TLR5: variants seen among roughly 807,000 people sequenced by gnomAD.
TLR5 encodes toll-like receptor 5.
For missense variants in TLR5, 944 were observed against 999.8 expected, an observed-to-expected ratio of 0.94 and a Z score of 0.75; for synonymous variants, 373 against 384.4, an observed-to-expected ratio of 0.97 and a Z score of 0.35.
intron 5 of TLR5, chr1:223,128,898 T>G (rs549030156): frequency 5.3e-5 from 8 of 152,340 alleles, no homozygotes; most frequent in African/African-American, 1.7e-4. Flanking sequence ...CTGGGTATTT[T>G]GTCCAATTCT....
chr1:223,135,497 G>T (rs1396854821), intron 3 of TLR5, among the ~76,000 whole-genome samples: 1 of 152,204 alleles, frequency 6.6e-6, no homozygotes, highest in African/African-American at 2.4e-5. Context: ...TGCTGGGCTG[G>T]GAGAGGATAA....
At chr1:223,141,001 A>G (rs1446887788) in intron 2 of TLR5, among the ~76,000 whole-genome samples, 1 of 152,206 alleles carries the variant, frequency 6.6e-6, no homozygotes, top group Non-Finnish European at 1.5e-5. Flanking sequence ...TTGCTCTCAC[A>G]TTAAGGGACC....
intron 5 of TLR5, among the ~76,000 whole-genome samples, chr1:223,115,888 G>A (rs918043063): frequency 6.6e-5 from 10 of 152,124 alleles, no homozygotes; most frequent in African/African-American, 2.2e-4. Context: ...GTCCTAGGGT[G>A]GAAGTACCAG....
In TLR5 at chr1:223,112,508, A is replaced by G. The variant is rs903462036; in HGVS notation, c.524T>C (p.Ile175Thr). ...GAATATTTGGTTGGAGGAAAAATCTATGGACTTTAAGGAATTCAACTTCCC... is the reference window on the plus strand; with the variant it reads ...GAATATTTGGTTGGAGGAAAAATCTGTGGACTTTAAGGAATTCAACTTCCC... ...SFGKLNSLKS[I>T]DFSSNQIFLV... Residue 175 changes from isoleucine to threonine, a missense_variant, in exon 6 of 6, where the codon ATA (isoleucine) becomes ACA (threonine). Physicochemically the swap from Ile to Thr is moderately conservative, Grantham distance 89. Coordinates refer to ENST00000642603, the MANE Select transcript of TLR5 (RefSeq NM_003268.6). 6.2e-7 allele frequency: 1 copy of G among 1,614,134 alleles called. No individual in the cohort carries two copies. Among genetic ancestry groups the G allele is most frequent in the African/African-American group, 1.3e-5 (1 of 74,948 alleles).
At position 223,121,657 on chromosome 1, in the gene TLR5, C is replaced by T. The variant is rs111698571; in HGVS notation, c.-4-8622G>A. The stretch of plus-strand genomic sequence containing the variant: ...CCTCAGCCTCCTGAATAGCTGGGAC[C>T]ACAGGTGCATACCACCATGCTAGCT... On this transcript the variant is annotated intron_variant, in intron 5 of 5. Coordinates refer to ENST00000642603, the MANE Select transcript of TLR5 (RefSeq NM_003268.6). Among the ~76,000 whole-genome samples the T allele has an allele frequency of 4.5e-3, 687 of 152,236 alleles. 6 individuals are homozygous for T. The highest frequency in any genetic ancestry group is 0.015 in the African/African-American group (643 of 41,540).
rs998349464 is a variant in TLR5, at chr1:223,111,917, A to G, written c.1115T>C (p.Ile372Thr). 1 of 1,614,142 alleles carries G rather than the reference A, an allele frequency of 6.2e-7. No individual in the cohort carries two copies. Among genetic ancestry groups the G allele is most frequent in the Non-Finnish European group, 8.5e-7 (1 of 1,180,034 alleles). Residue 372 changes from isoleucine (I) to threonine (T), a missense_variant, in exon 6 of 6, where the codon ATT becomes ACT. Coordinates refer to ENST00000642603, the MANE Select transcript of TLR5 (RefSeq NM_003268.6). ...GAATGTTTGGTCTTGAATTATTGCA[A>G]TGTGATTCTTTTGCAAATCAATGTA... ...VAYIDLQKNH[I>T]AIIQDQTFKF...
At position 223,110,541 on chromosome 1, in the gene TLR5, T is replaced by G; in HGVS notation, c.2491A>C (p.Lys831Gln). Residue 831 changes from lysine (K) to glutamine (Q), a missense_variant, in exon 6 of 6, where the codon AAA (lysine) becomes CAA (glutamine). Transcript: ENST00000642603. The part of the protein sequence containing the change: ...DLQDVGWFLH[K>Q]LSQQILKKEK... ...TTCTTTAGTATCTGTTGAGAGAGTT[T>G]ATGAAGAAACCAGCCAACATCCTGG... 6.2e-7 allele frequency: 1 copy of G among 1,614,190 alleles called. No homozygotes were observed. The highest frequency in any genetic ancestry group is 1.1e-5 in the South Asian group (1 of 91,080).
At chr1:223,141,338 G>A (rs1657828271) in intron 2 of TLR5, 1 of 152,112 alleles carries the variant, frequency 6.6e-6, no homozygotes, top group African/African-American at 2.4e-5. Flanking sequence ...TTCAGACAAT[G>A]GCACCTACAT....
At chr1:223,141,816 TATATATAGAGAG>T (rs1386416846) in intron 1 of TLR5, 53 bp from the exon 2 acceptor site, 114 of 43,504 alleles carry the variant, frequency 2.6e-3, no homozygotes, top group South Asian at 9.1e-3. Context: ...TATATATATA[TATATATAGAGAG>T]AGAGAGAGAG....
In TLR5 at chr1:223,110,948, G is replaced by T. The variant is rs750312595; in HGVS notation, c.2084C>A (p.Ala695Asp). The T allele has an allele frequency of 6.2e-7, 1 of 1,614,222 alleles. No homozygotes were observed. The highest frequency in any genetic ancestry group is 2.2e-5 in the East Asian group (1 of 44,884). The change falls in exon 6 of 6, where the codon GCC becomes GAC. Residue 695 changes from alanine to aspartate, a missense_variant. Transcript: ENST00000642603. Reference protein sequence around the residue: ...GTEPDMYKYDAYLCFSSKDFT... With the variant: ...GTEPDMYKYDDYLCFSSKDFT... The stretch of plus-strand genomic sequence containing the variant: ...GTCTTTGCTGCTGAAGCACAAATAG[G>T]CATCATATTTGTACATATCAGGTTC...
chr1:223,130,361 C>T (rs1226922220), intron 5 of TLR5, among the ~76,000 whole-genome samples: 1 of 152,218 alleles, frequency 6.6e-6, no homozygotes, highest in African/African-American at 2.4e-5. Flanking sequence ...TTCTCTTTGA[C>T]TCACTGTGTT....
chr1:223,114,701 T>C (rs1406777570), intron 5 of TLR5, among the ~76,000 whole-genome samples: 2 of 152,176 alleles, frequency 1.3e-5, no homozygotes, highest in Non-Finnish European at 1.5e-5. Context: ...CATGGATGCC[T>C]GGATTGACTC....
Position 223,111,522 on chromosome 1 carries a change from G to A in TLR5, c.1510C>T (p.Leu504Phe). Residue 504 changes from leucine (L) to phenylalanine (F), a missense_variant, in exon 6 of 6, where the codon CTT (leucine) becomes TTT (phenylalanine). Physicochemically the swap from Leu to Phe is conservative, Grantham distance 22. Coordinates refer to ENST00000642603, the MANE Select transcript of TLR5 (RefSeq NM_003268.6). ...CWDVFEGLSH[L>F]QVLYLNHNYL... The stretch of plus-strand genomic sequence containing the variant: ...TTATGATTCAAATACAGAACTTGAA[G>A]ATGAGAAAGTCCCTCAAAAACATCC... The A allele has an allele frequency of 1.2e-6, 2 of 1,614,162 alleles. No individual in the cohort carries two copies. The highest frequency in any genetic ancestry group is 1.1e-5 in the South Asian group (1 of 91,084).
intron 5 of TLR5, among the ~76,000 whole-genome samples, chr1:223,119,730 T>C (rs1656850693): frequency 6.6e-6 from 1 of 151,488 alleles, no homozygotes; most frequent in Non-Finnish European, 1.5e-5. Context: ...GAGGCCAAGG[T>C]GGGCAGATCA....
At chr1:223,118,912 T>C (rs1656807243) in intron 5 of TLR5, among the ~76,000 whole-genome samples, 1 of 152,018 alleles carries the variant, frequency 6.6e-6, no homozygotes, top group African/African-American at 2.4e-5. Flanking sequence ...GAGACGAGCC[T>C]GGCCAACATG....
chr1:223,142,504 A>G (rs1657920552), intron 1 of TLR5, among the ~76,000 whole-genome samples: 1 of 152,098 alleles, frequency 6.6e-6, no homozygotes, highest in Non-Finnish European at 1.5e-5. Context: ...TCCTGCAACC[A>G]CCAATCACCC....
chr1:223,142,899 G>A (rs1293229442), intron 1 of TLR5, among the ~76,000 whole-genome samples: 19 of 152,196 alleles, frequency 1.2e-4, no homozygotes. Context: ...AAGCGAGGAT[G>A]TGAGTGACTT....
rs533301769 is a variant in TLR5 at position 223,110,352 on chromosome 1, GA to G, written c.*102del. On this transcript the variant is annotated 3_prime_UTR_variant, in exon 6 of 6. Transcript: ENST00000642603. ...TATGTTGTTTTCATAGTAGCAAAAA[GA>G]AAAAAAAAACCTCCAGAGAGGACCC... 989 of 1,126,586 alleles carry G rather than the reference GA, an allele frequency of 8.8e-4. 1 individual carries two copies. Among genetic ancestry groups the G allele is most frequent in the East Asian group, 2.0e-3 (77 of 38,392 alleles). The allele number at this position is 1,126,586 out of a possible 1,614,324, so 69.8% of individuals were successfully genotyped here. A position where few individuals can be genotyped will look rare whatever the true frequency, so the allele number is the denominator to read the frequency against.
At position 223,112,141 on chromosome 1, in the gene TLR5, A is replaced by G; in HGVS notation, c.891T>C (p.His297=). 2 of 1,614,230 alleles carry G rather than the reference A, an allele frequency of 1.2e-6. No homozygotes were observed. The highest frequency in any genetic ancestry group is 1.7e-6 in the Non-Finnish European group (2 of 1,180,046). Residue 297 remains histidine, a synonymous_variant, in exon 6 of 6, where the codon CAT becomes CAC. Coordinates refer to ENST00000642603, the MANE Select transcript of TLR5 (RefSeq NM_003268.6). ...RSSVRHLDLS[H]GFVFSLNSRV... ...GTGAGTTCAGGGAGAAGACAAACCC[A>G]TGTGAAAGATCCAGGTGTCTCACTG... is the stretch of plus-strand genomic sequence containing the variant.
Sources: allele counts gnomAD v4.1 joint callset (sites outside exome capture counted in the v4.1 genomes callset), GRCh38; gene constraint gnomAD v4.1.1; transcripts MANE v1.5; gene names NCBI Gene and HGNC (gene_info 2026-07-23, HGNC 2026-07-21).